Variants in CAMK2D observed in about 807,000 individuals in gnomAD.
CAMK2D encodes calcium/calmodulin-dependent protein kinase type II subunit delta.
CAMK2D carries 37 observed loss-of-function variants against 84.0 expected under a neutral mutation model. The observed-to-expected ratio is 0.44, with a 90% CI of 0.34 to 0.58. CAMK2D has a LOEUF of 0.58. Ranked by LOEUF, CAMK2D falls within the 20% of genes least tolerant of loss-of-function variation. The probability of loss-of-function intolerance (pLI) is 0.02; values close to 1 mark genes in which losing one functional copy is unlikely to be tolerated. For missense variants in CAMK2D, 448 were observed against 652.5 expected, an observed-to-expected ratio of 0.69 and a Z score of 3.41; for synonymous variants, 202 against 212.5, an observed-to-expected ratio of 0.95 and a Z score of 0.43.
In CAMK2D at chr4:113,623,387, C is replaced by T. The variant is rs554214101; in HGVS notation, c.221-14181G>A. On this transcript the variant is annotated intron_variant, in intron 3 of 20. Transcript: ENST00000511664. ...TGATCTATCATGATGTGTATATACA[C>T]ACACACACACACACACCCACACAGA... Among the ~76,000 whole-genome samples the T allele has an allele frequency of 1.8e-3, 280 of 151,766 alleles. 1 individual carries two copies. Among genetic ancestry groups the T allele is most frequent in the Non-Finnish European group, 1.6e-3 (108 of 67,870 alleles).
intron 2 of CAMK2D, among the ~76,000 whole-genome samples, chr4:113,677,211 C>T (rs1242091500): frequency 6.6e-6 from 1 of 152,170 alleles, no homozygotes; most frequent in Non-Finnish European, 1.5e-5. Context: ...CTACCATTGG[C>T]TCACATACAT....
At chr4:113,460,412 CTTAAAAAGACA>C (rs2097358766) in intron 17 of CAMK2D, among the ~76,000 whole-genome samples, 171 bp from the exon 18 acceptor site, 3 of 152,164 alleles carry the variant, frequency 2.0e-5, no homozygotes, top group Middle Eastern at 6.8e-3. Context: ...GGAGCAGACT[CTTAAAAAGACA>C]TTTTGCAGAG....
rs1350420918 is a variant in CAMK2D at position 113,547,726 on chromosome 4, A to G, written c.342-10T>C. Reference sequence around the variant, plus strand: ...CTGCTGAATGCAATGACTGCATGCAAACACCAGGGGGCGTGTGTTAGTTCC... The same window carrying G: ...CTGCTGAATGCAATGACTGCATGCAGACACCAGGGGGCGTGTGTTAGTTCC... On this transcript the variant is annotated splice_polypyrimidine_tract_variant and intron_variant, in intron 5 of 20. Transcript: ENST00000511664. The G allele has an allele frequency of 6.5e-7, 1 of 1,535,440 alleles. No homozygotes were observed. Among genetic ancestry groups the G allele is most frequent in the Non-Finnish European group, 8.8e-7 (1 of 1,142,682 alleles).
intron 13 of CAMK2D, among the ~76,000 whole-genome samples, chr4:113,505,312 C>T (rs1309413592): frequency 6.6e-6 from 1 of 152,162 alleles, no homozygotes; most frequent in Non-Finnish European, 1.5e-5. Flanking sequence ...CAGTGGAGCT[C>T]CAATCAGGTT....
At chr4:113,526,485 T>C (rs1257019145) in intron 8 of CAMK2D, among the ~76,000 whole-genome samples, 1 of 151,834 alleles carries the variant, frequency 6.6e-6, no homozygotes, top group Non-Finnish European at 1.5e-5. Flanking sequence ...CTATCTAATA[T>C]TTGCTTAACA....
At chr4:113,642,005 A>T (rs2099134216) in intron 3 of CAMK2D, among the ~76,000 whole-genome samples, 1 of 152,072 alleles carries the variant, frequency 6.6e-6, no homozygotes, top group African/African-American at 2.4e-5. Flanking sequence ...AGCGAAACTC[A>T]GTCTAAAAAA....
intron 4 of CAMK2D, among the ~76,000 whole-genome samples, chr4:113,560,710 A>G (rs997900279): frequency 6.6e-6 from 1 of 152,120 alleles, no homozygotes; most frequent in Non-Finnish European, 1.5e-5. Flanking sequence ...ACATTACACC[A>G]ATCAGTGCCC....
At chr4:113,711,789 A>G (rs1013704810) in intron 2 of CAMK2D, among the ~76,000 whole-genome samples, 1 of 152,216 alleles carries the variant, frequency 6.6e-6, no homozygotes, top group Non-Finnish European at 1.5e-5. Flanking sequence ...TATGCTTAGA[A>G]AGAACATCTG....
intron 8 of CAMK2D, among the ~76,000 whole-genome samples, chr4:113,529,081 G>C (rs2098441044): frequency 6.6e-6 from 1 of 151,988 alleles, no homozygotes; most frequent in African/African-American, 2.4e-5. Flanking sequence ...ATTCAATGAG[G>C]GTAACATATT....
intron 2 of CAMK2D, among the ~76,000 whole-genome samples, chr4:113,730,137 CAGTA>C: frequency 6.6e-6 from 1 of 152,122 alleles, no homozygotes; most frequent in Non-Finnish European, 1.5e-5. Flanking sequence ...TCCTAAAAAA[CAGTA>C]AGTGTTCAAC....
At chr4:113,512,741 T>C (rs1487884571) in intron 12 of CAMK2D, among the ~76,000 whole-genome samples, 1 of 152,046 alleles carries the variant, frequency 6.6e-6, no homozygotes, top group Non-Finnish European at 1.5e-5. Flanking sequence ...CTCAGCTAAT[T>C]TTTGTATTTT....
intron 7 of CAMK2D, among the ~76,000 whole-genome samples, chr4:113,534,412 T>C (rs766988187): frequency 3.3e-5 from 5 of 152,308 alleles, no homozygotes; most frequent in Non-Finnish European, 5.9e-5. Flanking sequence ...AAATACTGAA[T>C]TGCCTTAGAA....
chr4:113,548,084 T>G (rs888029421), intron 5 of CAMK2D, among the ~76,000 whole-genome samples: 1 of 152,156 alleles, frequency 6.6e-6, no homozygotes, highest in Admixed American at 6.5e-5. Context: ...TTCCCTTTTC[T>G]CTCCCATTTT....
At chr4:113,517,474 G>A (rs1193631910) in intron 9 of CAMK2D, 89 bp downstream of exon 9, 2 of 581,902 alleles carry the variant, frequency 3.4e-6, no homozygotes, top group African/African-American at 1.8e-5. Flanking sequence ...TAAAAATTAT[G>A]GTTAAAAGAA....
chr4:113,625,310 T>TG (rs2099062954), intron 3 of CAMK2D, among the ~76,000 whole-genome samples: 1 of 152,166 alleles, frequency 6.6e-6, no homozygotes, highest in South Asian at 2.1e-4. Flanking sequence ...ACAAAGTTTA[T>TG]GTGCAAATAT....
chr4:113,469,602 A>T (rs1364649435), intron 16 of CAMK2D, among the ~76,000 whole-genome samples: 1 of 152,156 alleles, frequency 6.6e-6, no homozygotes, highest in South Asian at 2.1e-4. Flanking sequence ...CTCTTCCTTC[A>T]GATCTATGTG....
At position 113,606,804 on chromosome 4, in the gene CAMK2D, C is replaced by CA. The variant is rs758726926; in HGVS notation, c.275+2347dup. 1.4e-3 allele frequency among the ~76,000 whole-genome samples: 220 copies of CA among 152,036 alleles called. 4 individuals are homozygous for CA. The highest frequency in any genetic ancestry group is 5.9e-4 in the Admixed American group (9 of 15,268). On this transcript the variant is annotated intron_variant, in intron 4 of 20. Transcript: ENST00000511664. Reference sequence around the variant, plus strand: ...AAGTGAGCTCCAAATAAGTAAACTCCAAAAAATCCAAGCCAAGCAAGATAC... The same window carrying CA: ...AAGTGAGCTCCAAATAAGTAAACTCCAAAAAAATCCAAGCCAAGCAAGATAC...
chr4:113,639,787 T>C lies in CAMK2D; in HGVS notation c.220+21926A>G, dbSNP rs2099124936. Among the ~76,000 whole-genome samples, 8 of 151,784 alleles carry C rather than the reference T, an allele frequency of 5.3e-5. No individual in the cohort carries two copies. In the South Asian group the frequency reaches 1.3e-3, roughly 24 times the overall value. On this transcript the variant is annotated intron_variant, in intron 3 of 20. Coordinates refer to ENST00000511664, the MANE Select transcript of CAMK2D (RefSeq NM_001321571.2). ...GTATGGCTGGAGAGTAGCAAACAAA[T>C]AGGGGAACTCAAAATATAAAGGACT...
chr4:113,550,529 G>A (rs951830368), intron 5 of CAMK2D, among the ~76,000 whole-genome samples: 12 of 152,212 alleles, frequency 7.9e-5, no homozygotes, highest in Admixed American at 2.6e-4. Context: ...TGATTTTATC[G>A]GAGAGCTTTC....
Sources: gnomAD v4.1 joint callset for allele counts (sites outside exome capture counted in the v4.1 genomes callset) on GRCh38, gnomAD v4.1.1 for gene constraint, MANE v1.5 for transcripts, NCBI Gene and HGNC (gene_info 2026-07-23, HGNC 2026-07-21) for gene names.